GXYLT1: variants seen among roughly 807,000 people sequenced by gnomAD.
GXYLT1 encodes the protein glucoside xylosyltransferase 1, also known as glycosyltransferase 8 domain containing 3.
GXYLT1 carries 29 observed loss-of-function variants against 54.0 expected under a neutral mutation model. The observed-to-expected ratio is 0.54, with a 90% CI of 0.40 to 0.73. The LOEUF is 0.73. GXYLT1 is among the 30% of genes least tolerant of loss of function. The pLI is 0.00. For synonymous variants in GXYLT1, 176 were observed against 204.1 expected, an observed-to-expected ratio of 0.86 and a Z score of 1.17; for missense variants, 490 against 553.4, an observed-to-expected ratio of 0.89 and a Z score of 1.15.
intron 2 of GXYLT1, among the ~76,000 whole-genome samples, chr12:42,121,618 G>A (rs906803973): frequency 7.9e-5 from 12 of 151,360 alleles, no homozygotes; most frequent in Admixed American, 2.6e-4. Context: ...GGTGCTGGGC[G>A]ATGTCTTAAA....
At chr12:42,123,493 G>C (rs984168984) in intron 2 of GXYLT1, among the ~76,000 whole-genome samples, 2 of 151,930 alleles carry the variant, frequency 1.3e-5, no homozygotes, top group African/African-American at 4.8e-5. Flanking sequence ...AAATTTAGGA[G>C]GTAGGGGTTT....
intron 1 of GXYLT1, among the ~76,000 whole-genome samples, chr12:42,135,207 G>A (rs1407379571): frequency 2.6e-5 from 4 of 152,174 alleles, no homozygotes; most frequent in East Asian, 1.9e-4. Flanking sequence ...ACTACCACAA[G>A]ACCAGGCATA....
At chr12:42,115,282 G>A (rs2065486771) in intron 3 of GXYLT1, among the ~76,000 whole-genome samples, 1 of 152,134 alleles carries the variant, frequency 6.6e-6, no homozygotes, top group Admixed American at 6.6e-5. Flanking sequence ...TCTGGCCAGG[G>A]CAATCAGGCA....
At chr12:42,129,666 TAA>T (rs1005559034) in intron 2 of GXYLT1, 91 bp downstream of exon 2, 3 of 754,954 alleles carry the variant, frequency 4.0e-6, no homozygotes, top group Non-Finnish European at 6.7e-6. Flanking sequence ...TATAATATCA[TAA>T]GAAACATTCT....
intron 2 of GXYLT1, among the ~76,000 whole-genome samples, chr12:42,120,512 T>G (rs894200620): frequency 6.6e-6 from 1 of 152,142 alleles, no homozygotes. Flanking sequence ...GTGTTAGCAT[T>G]AGCTTCGGTC....
At chr12:42,088,027 T>A (rs1592098435) in intron 7 of GXYLT1, 80 bp from the exon 8 acceptor site, 2 of 632,836 alleles carry the variant, frequency 3.2e-6, no homozygotes, top group East Asian at 6.3e-5. Context: ...TCCAAACTTC[T>A]TCAATCAGTT....
At chr12:42,103,308 G>C (rs2065400656) in intron 5 of GXYLT1, among the ~76,000 whole-genome samples, 1 of 152,122 alleles carries the variant, frequency 6.6e-6, no homozygotes, top group African/African-American at 2.4e-5. Context: ...GGTTCGAAAT[G>C]AACAGCCACA....
chr12:42,087,484 C>T lies in GXYLT1; in HGVS notation c.*302G>A. The T allele has an allele frequency of 3.9e-6, 1 of 255,414 alleles. No homozygotes were observed. Among genetic ancestry groups the T allele is most frequent in the East Asian group, 1.4e-4 (1 of 7,318 alleles). 15.8% of individuals were successfully genotyped at this position (255,414 alleles called of 1,614,324 possible). A position where few individuals can be genotyped will look rare whatever the true frequency, so the allele number is the denominator to read the frequency against. On this transcript the variant is annotated 3_prime_UTR_variant, in exon 8 of 8. Transcript: ENST00000398675. ...TCTCCATCTACACACCCCTACCACT[C>T]TTGAGAGTATGAGTCAACAGAAGTC...
At chr12:42,128,294 CAT>C (rs1860304037) in intron 2 of GXYLT1, among the ~76,000 whole-genome samples, 1 of 152,150 alleles carries the variant, frequency 6.6e-6, no homozygotes, top group African/African-American at 2.4e-5. Context: ...AGATGATAAA[CAT>C]GTTAATGAGC....
intron 1 of GXYLT1, among the ~76,000 whole-genome samples, chr12:42,133,685 T>C (rs2065604741): frequency 6.6e-6 from 1 of 152,222 alleles, no homozygotes; most frequent in Non-Finnish European, 1.5e-5. Flanking sequence ...CCTCTAACCA[T>C]TCATTTGGTA....
chr12:42,092,952 G>A (rs867783490), intron 7 of GXYLT1, among the ~76,000 whole-genome samples: 1 of 152,100 alleles, frequency 6.6e-6, no homozygotes, highest in Non-Finnish European at 1.5e-5. Context: ...GGCTGCATGC[G>A]GCCCACTGGC....
At chr12:42,110,133 T>C (rs909688787) in intron 3 of GXYLT1, among the ~76,000 whole-genome samples, 3 of 152,220 alleles carry the variant, frequency 2.0e-5, no homozygotes, top group African/African-American at 7.2e-5. Flanking sequence ...AAAATATTTG[T>C]CCATCAATGC....
At position 42,086,661 on chromosome 12, in the gene GXYLT1, A is replaced by G. The variant is rs1166346889; in HGVS notation, c.*1125T>C. ...AATTAACTGTCTTAGGTGATATTCAAAAATGCACATCAACCCAATTAAAAC... is the reference window on the plus strand; with the variant it reads ...AATTAACTGTCTTAGGTGATATTCAGAAATGCACATCAACCCAATTAAAAC... On this transcript the variant is annotated 3_prime_UTR_variant, in exon 8 of 8. Transcript: ENST00000398675. The G allele has an allele frequency of 6.6e-6, 1 of 151,850 alleles. No homozygotes were observed. The highest frequency in any genetic ancestry group is 2.4e-5 in the African/African-American group (1 of 41,338). The allele number at this position is 151,850 out of a possible 1,614,324, so 9.4% of individuals were successfully genotyped here. A position where few individuals can be genotyped will look rare whatever the true frequency, so the allele number is the denominator to read the frequency against.
Position 42,086,806 on chromosome 12 carries a change from T to A in GXYLT1, c.*980A>T, listed in dbSNP as rs1356460982. ...TCAAAAGTATCTTGCAAGGCCGTTATGAGGTAGAAGACAAGTTTAAATGGA... is the reference window on the plus strand; with the variant it reads ...TCAAAAGTATCTTGCAAGGCCGTTAAGAGGTAGAAGACAAGTTTAAATGGA... On this transcript the variant is annotated 3_prime_UTR_variant, in exon 8 of 8. Transcript: ENST00000398675. 2 of 152,198 alleles carry A rather than the reference T, an allele frequency of 1.3e-5. No homozygotes were observed. The highest frequency in any genetic ancestry group is 4.8e-5 in the African/African-American group (2 of 41,454). 9.4% of individuals were successfully genotyped at this position (152,198 alleles called of 1,614,324 possible).
intron 1 of GXYLT1, among the ~76,000 whole-genome samples, chr12:42,137,527 C>G (rs1409847452): frequency 2.4e-5 from 2 of 85,024 alleles, no homozygotes; most frequent in Non-Finnish European, 2.5e-5. Flanking sequence ...AAAAAAAAAG[C>G]GGATCACAAG....
At chr12:42,115,015 AC>A (rs1174234693) in intron 3 of GXYLT1, among the ~76,000 whole-genome samples, 1 of 152,224 alleles carries the variant, frequency 6.6e-6, no homozygotes, top group Non-Finnish European at 1.5e-5. Context: ...TATAAATAGA[AC>A]CAAAGACAAA....
intron 3 of GXYLT1, among the ~76,000 whole-genome samples, chr12:42,111,685 C>A (rs2065457276): frequency 1.3e-5 from 2 of 152,354 alleles, no homozygotes; most frequent in South Asian, 4.1e-4. Context: ...GGCCTGCCTG[C>A]CTCTGTAGGC....
intron 1 of GXYLT1, 68 bp downstream of exon 1, chr12:42,144,358 G>A: frequency 9.3e-7 from 1 of 1,077,792 alleles, no homozygotes; most frequent in Non-Finnish European, 1.2e-6. Flanking sequence ...CGAGCAGCCC[G>A]GGCTAGGCCG....
intron 4 of GXYLT1, 68 bp downstream of exon 4, chr12:42,109,498 C>G: frequency 1.9e-6 from 2 of 1,066,180 alleles, no homozygotes; most frequent in South Asian, 2.7e-5. Flanking sequence ...TTCAGAGACT[C>G]ATGTGTAAAA....
Sources: allele counts gnomAD v4.1 joint callset (sites outside exome capture counted in the v4.1 genomes callset), GRCh38; gene constraint gnomAD v4.1.1; transcripts MANE v1.5; gene names NCBI Gene and HGNC (gene_info 2026-07-23, HGNC 2026-07-21).